The following PRMT8 variants were observed in gnomAD, a reference collection of about 807,000 sequenced individuals.
PRMT8 encodes the protein protein arginine N-methyltransferase 8.
In PRMT8, 7 loss-of-function variants were observed where a neutral mutation model predicts 47.1. That is an observed-to-expected ratio of 0.15 (90% confidence interval 0.08 to 0.28). The LOEUF (loss-of-function observed/expected upper bound fraction) is 0.28. Among genes scored for constraint, PRMT8 ranks in the 10% least tolerant of loss-of-function variants. PRMT8 has a pLI of 1.00. For missense variants in PRMT8, 237 were observed against 505.4 expected, an observed-to-expected ratio of 0.47 and a Z score of 5.09; for synonymous variants, 188 against 186.5, an observed-to-expected ratio of 1.01 and a Z score of -0.07.
intron 1 of PRMT8, among the ~76,000 whole-genome samples, chr12:3,517,087 G>A (rs988498886): frequency 1.3e-5 from 2 of 152,162 alleles, no homozygotes; most frequent in African/African-American, 4.8e-5. Flanking sequence ...GCAACGTCCA[G>A]GAAAATTGTA....
At chr12:3,505,559 C>T (rs1865610029) in intron 1 of PRMT8, among the ~76,000 whole-genome samples, 1 of 152,198 alleles carries the variant, frequency 6.6e-6, no homozygotes, top group Admixed American at 6.5e-5. Context: ...CTGTGTCAGT[C>T]ACTTTGTAAA....
intron 1 of PRMT8, among the ~76,000 whole-genome samples, chr12:3,438,245 G>C (rs1012651113): frequency 2.2e-4 from 34 of 152,272 alleles, no homozygotes; most frequent in Admixed American, 2.2e-3. Flanking sequence ...CTTATGCAAG[G>C]TCCTCCTGCA....
rs181155505 is a variant in PRMT8, at chr12:3,436,613, C to T, written c.48+55171C>T. ...GCGGCCGACTGGGCTCCACTGTCCC[C>T]TTTTGCGTTGAGAAGTTTCAGCTGG... On this transcript the variant is annotated intron_variant, in intron 1 of 9. Coordinates refer to the PRMT8 transcript ENST00000452611. The surrounding 1 kb of genome is among the most constrained non-coding windows in gnomAD (Gnocchi z 4.2). 1.8e-4 allele frequency among the ~76,000 whole-genome samples: 27 copies of T among 152,314 alleles called. No homozygotes were observed. Among genetic ancestry groups the T allele is most frequent in the African/African-American group, 6.0e-4 (25 of 41,562 alleles).
rs12824113 is a variant in PRMT8 at position 3,580,379 on chromosome 12, T to C, written c.829-2679T>C. On this transcript the variant is annotated intron_variant, in intron 7 of 9. Transcript: ENST00000382622. This position sits in a 1 kb window ranked among gnomAD's most constrained non-coding sequence, Gnocchi z 4.6. ...GTGTGTGTGTGTGTACGCGTGCGCA[T>C]GCGGGATAGAAGGAGAAAGTAACCA... is the stretch of plus-strand genomic sequence containing the variant. Among the ~76,000 whole-genome samples, 50,718 of 150,696 alleles carry C rather than the reference T, an allele frequency of 0.34. 8,840 individuals carry two copies. The highest frequency in any genetic ancestry group is 0.45 in the Middle Eastern group (131 of 294).
intron 4 of PRMT8, 122 bp downstream of exon 4, chr12:3,553,836 G>C: frequency 1.1e-6 from 1 of 886,850 alleles, no homozygotes; most frequent in Non-Finnish European, 1.8e-6. Context: ...GGTGCACCCA[G>C]CTGAGGCCCC....
At chr12:3,399,733 AT>A (rs1249843093) in intron 1 of PRMT8, among the ~76,000 whole-genome samples, 7 of 152,126 alleles carry the variant, frequency 4.6e-5, no homozygotes, top group African/African-American at 1.7e-4. Context: ...TCTACATGCA[AT>A]TTTTATACTT....
intron 8 of PRMT8, among the ~76,000 whole-genome samples, chr12:3,589,264 C>T (rs919838976): frequency 6.6e-6 from 1 of 152,194 alleles, no homozygotes; most frequent in Admixed American, 6.5e-5. Context: ...CCAGGCACAG[C>T]AGGAGGTTTG....
chr12:3,437,623 T>C (rs1250066861), intron 1 of PRMT8, among the ~76,000 whole-genome samples: 3 of 2,012 alleles, frequency 1.5e-3, no homozygotes, highest in Non-Finnish European at 4.5e-3. Flanking sequence ...GCATTCAGGC[T>C]ATATATATAT....
At chr12:3,505,992 C>T (rs1453833658) in intron 1 of PRMT8, among the ~76,000 whole-genome samples, 1 of 152,158 alleles carries the variant, frequency 6.6e-6, no homozygotes, top group East Asian at 1.9e-4. Context: ...AAGGGCTCTT[C>T]TGGAGGGCAG....
chr12:3,582,134 A>T (rs1403976143), intron 7 of PRMT8, among the ~76,000 whole-genome samples: 1 of 152,186 alleles, frequency 6.6e-6, no homozygotes, highest in Non-Finnish European at 1.5e-5. Context: ...CTTGGGCCTC[A>T]CTAGAATCTG....
intron 1 of PRMT8, among the ~76,000 whole-genome samples, chr12:3,405,303 G>A (rs909168291): frequency 2.0e-5 from 3 of 152,070 alleles, no homozygotes; most frequent in African/African-American, 7.2e-5. Flanking sequence ...ACCTCCCACC[G>A]GGTCCCTCCC....
At chr12:3,393,164 G>T (rs577149297) in intron 1 of PRMT8, among the ~76,000 whole-genome samples, 177 of 148,848 alleles carry the variant, frequency 1.2e-3, no homozygotes, top group African/African-American at 4.2e-3. Flanking sequence ...TTTGTAGGTT[G>T]CCTGTTCACT....
intron 4 of PRMT8, among the ~76,000 whole-genome samples, chr12:3,554,654 G>A (rs894294137): frequency 5.3e-5 from 8 of 152,172 alleles, no homozygotes; most frequent in South Asian, 4.1e-4. Context: ...AGGGAAGGAC[G>A]TTCCCTTGAG....
intron 1 of PRMT8, among the ~76,000 whole-genome samples, chr12:3,412,830 G>A (rs1263315475): frequency 6.6e-6 from 1 of 152,026 alleles, no homozygotes; most frequent in Non-Finnish European, 1.5e-5. Context: ...GGCCAGGCTG[G>A]TCTCGAACTC....
intron 1 of PRMT8, among the ~76,000 whole-genome samples, chr12:3,513,937 C>A (rs1452645978): frequency 6.6e-6 from 1 of 152,200 alleles, no homozygotes; most frequent in Non-Finnish European, 1.5e-5. Context: ...CCAGGTACTG[C>A]TCTAGTGATT....
Position 3,457,313 on chromosome 12 carries a change from T to A in PRMT8, c.48+75871T>A, listed in dbSNP as rs11062656. On this transcript the variant is annotated intron_variant, in intron 1 of 9. Transcript: ENST00000452611. ...GTCCTGACTTTGCTAAGCATATTTTTTTTTCTGTCTTTTATAGACAGGGTC... is the reference window on the plus strand; with the variant it reads ...GTCCTGACTTTGCTAAGCATATTTTATTTTCTGTCTTTTATAGACAGGGTC... Among the ~76,000 whole-genome samples the A allele has an allele frequency of 8.8e-3, 1,342 of 152,238 alleles. 18 individuals carry two copies. Among genetic ancestry groups the A allele is most frequent in the African/African-American group, 0.031 (1,271 of 41,532 alleles).
intron 8 of PRMT8, among the ~76,000 whole-genome samples, chr12:3,585,135 T>C (rs1234782540): frequency 1.3e-5 from 2 of 152,128 alleles, no homozygotes; most frequent in Non-Finnish European, 2.9e-5. Flanking sequence ...TAAAGCACAG[T>C]TCTAAACAAA....
chr12:3,520,002 AT>A (rs1395011830), intron 1 of PRMT8, among the ~76,000 whole-genome samples: 1 of 152,212 alleles, frequency 6.6e-6, no homozygotes, highest in Non-Finnish European at 1.5e-5. Flanking sequence ...CCACTTTGCC[AT>A]CTCTGAAATA....
At chr12:3,423,278 A>G (rs1008792433) in intron 1 of PRMT8, among the ~76,000 whole-genome samples, 1 of 152,202 alleles carries the variant, frequency 6.6e-6, no homozygotes, top group African/African-American at 2.4e-5. Context: ...TTGAGAGCCA[A>G]TTTATTTTGA....
Sources: allele counts gnomAD v4.1 joint callset (sites outside exome capture counted in the v4.1 genomes callset), GRCh38; gene constraint gnomAD v4.1.1; non-coding constraint Gnocchi (gnomAD v3.1); transcripts MANE v1.5; gene names NCBI Gene and HGNC (gene_info 2026-07-23, HGNC 2026-07-21).